AKAP13: variants seen among roughly 807,000 people sequenced by gnomAD.
The protein encoded by AKAP13 is A-kinase anchoring protein 13.
Under a neutral mutation model 264.5 loss-of-function variants are expected in AKAP13, and 80 were observed. The observed-to-expected ratio is 0.30, with a 90% confidence interval of 0.25 to 0.36. The LOEUF (loss-of-function observed/expected upper bound fraction) is 0.36, where lower values mean the gene tolerates loss of function less well. Ranked by LOEUF, AKAP13 falls within the 10% of genes least tolerant of loss-of-function variation. The pLI, the probability that AKAP13 is intolerant of heterozygous loss-of-function variation, is 1.00. For missense variants in AKAP13, 3,712 were observed against 3,435.2 expected, an observed-to-expected ratio of 1.08 and a Z score of -2.01; for synonymous variants, 1,380 against 1,250.2, an observed-to-expected ratio of 1.10 and a Z score of -2.19.
chr15:85,569,961 C>T (rs2151287640), intron 5 of AKAP13, among the ~76,000 whole-genome samples: 1 of 151,314 alleles, frequency 6.6e-6, no homozygotes, highest in Non-Finnish European at 1.5e-5. Context: ...CCTGTAGTCC[C>T]AGCTACTTGG....
intron 3 of AKAP13, among the ~76,000 whole-genome samples, chr15:85,532,985 T>A (rs187109689): frequency 6.6e-6 from 1 of 152,346 alleles, no homozygotes; most frequent in East Asian, 1.9e-4. Context: ...GGAAATAATG[T>A]GTATCTGAGA....
chr15:85,439,391 C>G (rs1334403383), intron 1 of AKAP13, among the ~76,000 whole-genome samples: 1 of 151,808 alleles, frequency 6.6e-6, no homozygotes, highest in African/African-American at 2.4e-5. Flanking sequence ...ACTAGTTCAA[C>G]CATTGTGGAT....
chr15:85,484,023 T>C (rs2075444928), intron 1 of AKAP13, among the ~76,000 whole-genome samples: 1 of 152,148 alleles, frequency 6.6e-6, no homozygotes, highest in African/African-American at 2.4e-5. Flanking sequence ...TTCACTGATA[T>C]TTCTTCTGCT....
At chr15:85,444,223 C>CCTGA (rs1567060617) in intron 1 of AKAP13, among the ~76,000 whole-genome samples, 1 of 152,080 alleles carries the variant, frequency 6.6e-6, no homozygotes, top group East Asian at 1.9e-4. Flanking sequence ...TATATTTATT[C>CCTGA]CTGACAGGTG....
chr15:85,580,068 G>A lies in AKAP13; in HGVS notation c.2000G>A (p.Cys667Tyr), dbSNP rs1252046388. The A allele has an allele frequency of 2.5e-6, 4 of 1,614,238 alleles. No homozygotes were observed. The highest frequency in any genetic ancestry group is 3.4e-6 in the Non-Finnish European group (4 of 1,180,042). ...GATAAACTTTGTGCAGACTCTGCAT[G>A]TCAACAGAACACAGTGACTTCTAGT... ...GDDKLCADSACQQNTVTSSGD... is the reference protein window; with the variant it reads ...GDDKLCADSAYQQNTVTSSGD... The change falls in exon 7 of 37, where the codon TGT (cysteine) becomes TAT (tyrosine). Residue 667 changes from cysteine to tyrosine, a missense_variant. Physicochemically the swap from Cys to Tyr is radical, Grantham distance 194. Around this residue, in one of 3 missense-constraint regions of AKAP13, gnomAD observed 2,759 missense variants for 2,411.7 expected, o/e 1.14. Transcript: ENST00000394518.
chr15:85,606,002 A>C (rs554532108), intron 8 of AKAP13, among the ~76,000 whole-genome samples: 1 of 151,522 alleles, frequency 6.6e-6, no homozygotes, highest in African/African-American at 2.4e-5. Context: ...CCTTTAGTGC[A>C]TATCTGTGTG....
At chr15:85,524,321 G>A (rs1335951633) in intron 3 of AKAP13, among the ~76,000 whole-genome samples, 1 of 151,562 alleles carries the variant, frequency 6.6e-6, no homozygotes, top group Admixed American at 6.6e-5. Flanking sequence ...GGGATTACAG[G>A]CGTACCACCA....
intron 1 of AKAP13, among the ~76,000 whole-genome samples, chr15:85,431,827 TA>T (rs1028378026): frequency 1.6e-4 from 25 of 152,380 alleles, no homozygotes; most frequent in African/African-American, 6.0e-4. Context: ...CCAGATTCTT[TA>T]GCAGATCAAC....
intron 16 of AKAP13, chr15:85,685,159 T>C (rs1404418000): frequency 1.1e-5 from 3 of 265,056 alleles, no homozygotes; most frequent in Middle Eastern, 1.2e-3. Context: ...AAAAGTGATG[T>C]ACCTTACCGA....
At chr15:85,668,658 G>A (rs1207807051) in intron 13 of AKAP13, among the ~76,000 whole-genome samples, 2 of 152,162 alleles carry the variant, frequency 1.3e-5, no homozygotes, top group Non-Finnish European at 2.9e-5. Flanking sequence ...TTTAAAATCA[G>A]AGGCCAGGCC....
chr15:85,682,017 C>T, intron 14 of AKAP13, 141 bp from the exon 15 acceptor site: 1 of 724,998 alleles, frequency 1.4e-6, no homozygotes, highest in Non-Finnish European at 2.3e-6. Context: ...TTCTTTCAAA[C>T]CTTTAGAAGG....
At chr15:85,729,638 G>A (rs1039661996) in intron 29 of AKAP13, among the ~76,000 whole-genome samples, 2 of 151,974 alleles carry the variant, frequency 1.3e-5, no homozygotes, top group Non-Finnish European at 2.9e-5. Context: ...AGTGGGTAAG[G>A]TAAAGAAGAC....
intron 1 of AKAP13, among the ~76,000 whole-genome samples, chr15:85,400,301 C>T (rs2071361178): frequency 6.6e-6 from 1 of 151,926 alleles, no homozygotes. Context: ...TTGTAGCTAC[C>T]TGAGAGGCTG....
intron 14 of AKAP13, 132 bp downstream of exon 14, chr15:85,669,962 A>G (rs1000589648): frequency 9.7e-6 from 5 of 515,060 alleles, no homozygotes; most frequent in Non-Finnish European, 1.7e-5. Flanking sequence ...TGAATGGCTC[A>G]GCACTTAAAC....
At chr15:85,614,227 G>A (rs953484462) in intron 8 of AKAP13, among the ~76,000 whole-genome samples, 2 of 152,166 alleles carry the variant, frequency 1.3e-5, no homozygotes, top group African/African-American at 4.8e-5. Flanking sequence ...ATCATGATTC[G>A]AAAGAGAAGC....
intron 1 of AKAP13, chr15:85,381,829 C>G (rs540609374): frequency 6.6e-6 from 1 of 151,578 alleles, no homozygotes; most frequent in Non-Finnish European, 1.5e-5. Context: ...TGTTAGTAGT[C>G]CCCCCCACAA....
At chr15:85,589,671 C>T (rs2079509251) in intron 8 of AKAP13, among the ~76,000 whole-genome samples, 1 of 143,240 alleles carries the variant, frequency 7.0e-6, no homozygotes, top group African/African-American at 2.6e-5. Flanking sequence ...GATCGCACCA[C>T]TGCACTCCAG....
Position 85,581,211 on chromosome 15 carries a change from C to G in AKAP13, c.3143C>G (p.Pro1048Arg). ...TCCGCTCTGTTGCCATGTCTGTTGCCAGATGGGTCTGATGGGTCCGATGCT... is the reference window on the plus strand; with the variant it reads ...TCCGCTCTGTTGCCATGTCTGTTGCGAGATGGGTCTGATGGGTCCGATGCT... ...NSSALLPCLL[P>R]DGSDGSDALN... Residue 1048 changes from proline (P) to arginine (R), a missense_variant, in exon 7 of 37, where the codon CCA becomes CGA. Physicochemically the swap from Pro to Arg is moderately radical, Grantham distance 103. Around this residue, in one of 3 missense-constraint regions of AKAP13, gnomAD observed 2,759 missense variants for 2,411.7 expected, o/e 1.14. Coordinates refer to ENST00000394518, the MANE Select transcript of AKAP13 (RefSeq NM_007200.5). The G allele has an allele frequency of 6.2e-7, 1 of 1,614,140 alleles. No individual in the cohort carries two copies. The highest frequency in any genetic ancestry group is 1.1e-5 in the South Asian group (1 of 91,076).
chr15:85,598,054 A>G (rs1596653903), intron 8 of AKAP13, among the ~76,000 whole-genome samples: 2 of 152,096 alleles, frequency 1.3e-5, no homozygotes, highest in African/African-American at 2.4e-5. Context: ...AAAATGTCGT[A>G]TGTTCAGTTT....
Sources: allele counts gnomAD v4.1 joint callset (sites outside exome capture counted in the v4.1 genomes callset), GRCh38; gene constraint gnomAD v4.1.1; regional missense constraint gnomAD v4.1.1; transcripts MANE v1.5; gene names NCBI Gene and HGNC (gene_info 2026-07-23, HGNC 2026-07-21).